The following KIAA1328 variants were observed in gnomAD, a reference collection of about 807,000 sequenced individuals.
KIAA1328 encodes protein hinderin.
In KIAA1328, 52 loss-of-function variants were observed where a neutral mutation model predicts 68.1. The observed-to-expected ratio is 0.76, with a 90% confidence interval of 0.61 to 0.96. KIAA1328 has a LOEUF of 0.96. Ranked by LOEUF, KIAA1328 falls within the 40% of genes least tolerant of loss-of-function variation. KIAA1328 has a pLI of 0.00. For synonymous variants in KIAA1328, 232 were observed against 239.4 expected, an observed-to-expected ratio of 0.97 and a Z score of 0.28; for missense variants, 641 against 677.6, an observed-to-expected ratio of 0.95 and a Z score of 0.60.
downstream of KIAA1328, among the ~76,000 whole-genome samples, chr18:37,226,646 A>G (rs146206025): frequency 6.6e-5 from 10 of 150,884 alleles, no homozygotes; most frequent in East Asian, 1.9e-3. Flanking sequence ...GCCAAATAAT[A>G]CTGTATCATA....
chr18:36,959,269 T>A, intron 5 of KIAA1328, 39 bp from the exon 6 acceptor site: 1 of 1,526,572 alleles, frequency 6.6e-7, no homozygotes, highest in Non-Finnish European at 8.8e-7. Flanking sequence ...GCAGTTTGAA[T>A]CAATTTTTCA....
At chr18:37,182,945 T>G (rs1599532874) in intron 9 of KIAA1328, among the ~76,000 whole-genome samples, 1 of 152,202 alleles carries the variant, frequency 6.6e-6, no homozygotes, top group Admixed American at 6.5e-5. Flanking sequence ...GATATGATAC[T>G]GGCCCCTCTG....
chr18:36,895,903 G>A (rs1568135178), intron 5 of KIAA1328: 1 of 374,054 alleles, frequency 2.7e-6, no homozygotes, highest in Non-Finnish European at 5.4e-6. Context: ...CAGCAAGAAG[G>A]TAGAAGCCTG....
At chr18:37,164,069 C>A (rs2059336719) in intron 8 of KIAA1328, among the ~76,000 whole-genome samples, 1 of 152,106 alleles carries the variant, frequency 6.6e-6, no homozygotes, top group Non-Finnish European at 1.5e-5. Context: ...TCTACATTTC[C>A]CATTCTCTAA....
intron 9 of KIAA1328, among the ~76,000 whole-genome samples, chr18:37,187,648 AT>A (rs775903924): frequency 1.3e-5 from 2 of 151,960 alleles, no homozygotes; most frequent in African/African-American, 2.4e-5. Flanking sequence ...AGCTAGGAGG[AT>A]TTTTTTTAAT....
chr18:36,963,065 A>G (rs2051761241), intron 6 of KIAA1328, among the ~76,000 whole-genome samples: 1 of 152,262 alleles, frequency 6.6e-6, no homozygotes, highest in Non-Finnish European at 1.5e-5. Flanking sequence ...AAATTGAAAT[A>G]GCCAAAGTAT....
chr18:36,870,927 C>T (rs564224395), intron 4 of KIAA1328, among the ~76,000 whole-genome samples: 1 of 152,312 alleles, frequency 6.6e-6, no homozygotes, highest in East Asian at 1.9e-4. Context: ...GCCCAAGGGG[C>T]TCCCCACTCT....
intron 9 of KIAA1328, among the ~76,000 whole-genome samples, chr18:37,200,814 T>G (rs1168462851): frequency 7.2e-6 from 1 of 138,616 alleles, no homozygotes; most frequent in African/African-American, 2.7e-5. Flanking sequence ...CGAGACTCCG[T>G]CTCAAAAAAA....
At chr18:36,927,600 A>T (rs56722170) in intron 5 of KIAA1328, among the ~76,000 whole-genome samples, 17,785 of 152,030 alleles carry the variant, frequency 0.12, 1,247 homozygotes, top group Middle Eastern at 0.15. Flanking sequence ...AAATTTTTTT[A>T]AAATTAACTG....
rs115052784 is a variant in KIAA1328, at chr18:37,056,469, G to A, written c.577-10421G>A. On this transcript the variant is annotated intron_variant, in intron 6 of 9. Transcript: ENST00000280020. ...ATTAGTTTCTTTTATCTAGTCATTA[G>A]CCTGTGCCTACCCAAGTTATGAAAT... 1.0e-3 allele frequency among the ~76,000 whole-genome samples: 155 copies of A among 151,524 alleles called. 2 individuals are homozygous for A. Among genetic ancestry groups the A allele is most frequent in the African/African-American group, 3.7e-3 (153 of 41,286 alleles).
At chr18:36,991,471 A>G (rs1435662089) in intron 6 of KIAA1328, among the ~76,000 whole-genome samples, 1 of 152,242 alleles carries the variant, frequency 6.6e-6, no homozygotes, top group African/African-American at 2.4e-5. Context: ...AGCAACAACA[A>G]CAAAACAAAA....
At chr18:37,006,170 A>T (rs182921310) in intron 6 of KIAA1328, among the ~76,000 whole-genome samples, 10 of 152,274 alleles carry the variant, frequency 6.6e-5, no homozygotes, top group Non-Finnish European at 8.8e-5. Flanking sequence ...TGTACAAATT[A>T]AAAAAAGTAG....
At chr18:37,001,696 C>T (rs1439063795) in intron 6 of KIAA1328, among the ~76,000 whole-genome samples, 1 of 152,060 alleles carries the variant, frequency 6.6e-6, no homozygotes, top group Non-Finnish European at 1.5e-5. Flanking sequence ...AAAGATGGCT[C>T]AACATACATA....
At chr18:37,050,584 A>G (rs1251139994) in intron 6 of KIAA1328, among the ~76,000 whole-genome samples, 2 of 152,216 alleles carry the variant, frequency 1.3e-5, no homozygotes, top group East Asian at 3.9e-4. Context: ...CCATTGTTAC[A>G]TATTTCTGTG....
chr18:37,061,322 G>T (rs1237664491), intron 6 of KIAA1328, among the ~76,000 whole-genome samples: 1 of 152,144 alleles, frequency 6.6e-6, no homozygotes, highest in East Asian at 1.9e-4. Context: ...TTATCCCTGG[G>T]AGTCTGAGGA....
intron 5 of KIAA1328, among the ~76,000 whole-genome samples, chr18:36,947,823 A>G (rs2050964218): frequency 6.6e-6 from 1 of 152,172 alleles, no homozygotes; most frequent in South Asian, 2.1e-4. Context: ...TTGGGGTAAA[A>G]CACTTTGATT....
At chr18:36,921,492 C>A (rs2049920739) in intron 5 of KIAA1328, among the ~76,000 whole-genome samples, 1 of 152,150 alleles carries the variant, frequency 6.6e-6, no homozygotes, top group Admixed American at 6.5e-5. Context: ...TAAGCTCCAC[C>A]TCCCGGGTTC....
intron 6 of KIAA1328, among the ~76,000 whole-genome samples, chr18:36,972,817 G>A (rs1433724397): frequency 6.6e-6 from 1 of 152,036 alleles, no homozygotes; most frequent in Non-Finnish European, 1.5e-5. Context: ...CTAAATGCTG[G>A]GAATATACCT....
intron 6 of KIAA1328, among the ~76,000 whole-genome samples, chr18:37,013,612 C>T (rs1206715350): frequency 6.6e-6 from 1 of 152,132 alleles, no homozygotes; most frequent in Non-Finnish European, 1.5e-5. Context: ...TTTTCTGTTC[C>T]TGCATTAATT....
Sources: allele counts gnomAD v4.1 joint callset (sites outside exome capture counted in the v4.1 genomes callset), GRCh38; gene constraint gnomAD v4.1.1; transcripts MANE v1.5; gene names NCBI Gene and HGNC (gene_info 2026-07-23, HGNC 2026-07-21).